Variants in TENM4 observed in about 807,000 individuals in gnomAD.
The protein encoded by TENM4 is teneurin transmembrane protein 4.
In TENM4, 82 loss-of-function variants were observed where a neutral mutation model predicts 243.3. That is an observed-to-expected ratio of 0.34 (90% CI 0.28 to 0.40). The LOEUF (loss-of-function observed/expected upper bound fraction) is 0.40. Ranked by LOEUF, TENM4 falls within the 10% of genes least tolerant of loss-of-function variation. The pLI is 1.00. For synonymous variants in TENM4, 1,412 were observed against 1,456.3 expected, an observed-to-expected ratio of 0.97 and a Z score of 0.69; for missense variants, 3,138 against 3,673.3, an observed-to-expected ratio of 0.85 and a Z score of 3.77.
chr11:78,949,001 C>G (rs1408068383), intron 6 of TENM4, among the ~76,000 whole-genome samples: 2 of 152,176 alleles, frequency 1.3e-5, no homozygotes, highest in African/African-American at 4.8e-5. Context: ...AGTTTGGTCA[C>G]TTGGTTAAGG....
At chr11:79,283,308 A>T (rs986582494) in intron 2 of TENM4, among the ~76,000 whole-genome samples, 2 of 151,978 alleles carry the variant, frequency 1.3e-5, no homozygotes, top group Admixed American at 1.3e-4. Flanking sequence ...AAAATATAAA[A>T]ATCTTCAATA....
intron 33 of TENM4, among the ~76,000 whole-genome samples, chr11:78,659,969 C>T (rs1292747011): frequency 6.6e-6 from 1 of 152,228 alleles, no homozygotes; most frequent in Non-Finnish European, 1.5e-5. Flanking sequence ...TAGAGTTTCA[C>T]GAAAGCTGGA....
intron 12 of TENM4, among the ~76,000 whole-genome samples, chr11:78,826,276 G>A (rs896395339): frequency 1.3e-5 from 2 of 151,506 alleles, no homozygotes; most frequent in African/African-American, 2.4e-5. Context: ...TAATAGAGAC[G>A]GTGTTTCACC....
intron 1 of TENM4, among the ~76,000 whole-genome samples, chr11:79,323,225 C>G (rs770469828): frequency 2.0e-5 from 3 of 152,158 alleles, no homozygotes; most frequent in Non-Finnish European, 2.9e-5. Context: ...TCTTCTAAAT[C>G]CTGATCCCAG....
intron 1 of TENM4, among the ~76,000 whole-genome samples, chr11:79,367,181 C>T (rs548355593): frequency 6.6e-6 from 1 of 152,300 alleles, no homozygotes; most frequent in Non-Finnish European, 1.5e-5. Flanking sequence ...AAACTAAGGG[C>T]TAATTCACAT....
At chr11:79,082,684 G>A (rs2137032497) in intron 4 of TENM4, among the ~76,000 whole-genome samples, 1 of 152,316 alleles carries the variant, frequency 6.6e-6, no homozygotes, top group South Asian at 2.1e-4. Flanking sequence ...GGGGAGGTGT[G>A]ACTATGGGTC....
At chr11:79,282,818 A>G (rs2135367104) in intron 2 of TENM4, among the ~76,000 whole-genome samples, 1 of 68,706 alleles carries the variant, frequency 1.5e-5, no homozygotes, top group East Asian at 8.4e-4. Flanking sequence ...TAAAATTGGA[A>G]AAAAAAAAAC....
chr11:79,242,876 G>T (rs1033669247), intron 2 of TENM4, among the ~76,000 whole-genome samples: 5 of 152,168 alleles, frequency 3.3e-5, no homozygotes, highest in Non-Finnish European at 7.3e-5. Context: ...CCAAACTTTA[G>T]TTCCCAAATC....
Position 79,020,481 on chromosome 11 carries a change from T to C in TENM4, c.493+44257A>G, listed in dbSNP as rs531719723. 4.6e-5 allele frequency among the ~76,000 whole-genome samples: 7 copies of C among 152,332 alleles called. No homozygotes were observed. The South Asian group carries it at 1.0e-3, about 23-fold the overall frequency. On this transcript the variant is annotated intron_variant, in intron 6 of 33. Transcript: ENST00000278550. ...TCAAATTTATGTGTCATTGGAGCTG[T>C]ATTCTCTATTATGACCCAACAAACT... is the stretch of plus-strand genomic sequence containing the variant.
chr11:78,891,398 GAGAAACACACA>G, intron 7 of TENM4, 62 bp from the exon 8 acceptor site: 3 of 1,439,350 alleles, frequency 2.1e-6, no homozygotes, highest in Non-Finnish European at 2.9e-6. Context: ...GGGGCTAGTA[GAGAAACACACA>G]AAGTGGCTGT....
chr11:79,329,682 C>T (rs1857031116), intron 1 of TENM4, among the ~76,000 whole-genome samples: 1 of 152,106 alleles, frequency 6.6e-6, no homozygotes, highest in African/African-American at 2.4e-5. Context: ...AGCCCCGAGG[C>T]AGGAAGGTGT....
intron 14 of TENM4, among the ~76,000 whole-genome samples, chr11:78,806,128 A>G (rs923946792): frequency 6.6e-6 from 1 of 152,008 alleles, no homozygotes; most frequent in Non-Finnish European, 1.5e-5. Flanking sequence ...TGTCTCTACA[A>G]AAAATAAAAA....
chr11:79,357,237 CA>C (rs1857512272), intron 1 of TENM4, among the ~76,000 whole-genome samples: 1 of 152,176 alleles, frequency 6.6e-6, no homozygotes, highest in South Asian at 2.1e-4. Flanking sequence ...TGGAAGTTCC[CA>C]AAGCAATGGC....
intron 9 of TENM4, among the ~76,000 whole-genome samples, chr11:78,884,465 CTA>C (rs56313843): frequency 0.92 from 140,526 of 152,106 alleles, 65,568 homozygotes; most frequent in Non-Finnish European, 1. Flanking sequence ...CAGCCCAGGG[CTA>C]TTATATAGCA....
At chr11:79,216,464 C>T (rs909969957) in intron 2 of TENM4, among the ~76,000 whole-genome samples, 1 of 152,218 alleles carries the variant, frequency 6.6e-6, no homozygotes, top group Non-Finnish European at 1.5e-5. Context: ...CTAAATCTTA[C>T]TCTCTTGCTG....
chr11:79,257,026 G>C (rs754402615), intron 2 of TENM4, among the ~76,000 whole-genome samples: 15 of 152,146 alleles, frequency 9.9e-5, no homozygotes, highest in Non-Finnish European at 5.9e-5. Context: ...GCAGGAGTGG[G>C]CATGTTGTGG....
chr11:79,157,975 C>A (rs1413305512), intron 3 of TENM4, among the ~76,000 whole-genome samples: 1 of 152,182 alleles, frequency 6.6e-6, no homozygotes, highest in Non-Finnish European at 1.5e-5. Context: ...AGGGCAGAAT[C>A]GTCCTCATTC....
At chr11:79,224,671 G>C (rs1392186124) in intron 2 of TENM4, among the ~76,000 whole-genome samples, 5 of 152,156 alleles carry the variant, frequency 3.3e-5, no homozygotes, top group African/African-American at 1.2e-4. Flanking sequence ...GGGAAACTTG[G>C]CCAGGTGGAT....
At chr11:79,304,490 G>A (rs1446911136) in intron 1 of TENM4, among the ~76,000 whole-genome samples, 2 of 152,126 alleles carry the variant, frequency 1.3e-5, no homozygotes, top group Non-Finnish European at 2.9e-5. Context: ...TCAGGCCTTG[G>A]ATTTTTCCCC....
Sources: gnomAD v4.1 joint callset for allele counts (sites outside exome capture counted in the v4.1 genomes callset) on GRCh38, gnomAD v4.1.1 for gene constraint, MANE v1.5 for transcripts, NCBI Gene and HGNC (gene_info 2026-07-23, HGNC 2026-07-21) for gene names.